TSPEAR: variants seen among roughly 807,000 people sequenced by gnomAD.
TSPEAR encodes the protein thrombospondin-type laminin G domain and EAR repeat-containing protein.
In TSPEAR, 69 loss-of-function variants were observed where a neutral mutation model predicts 71.6. The ratio of observed to expected loss-of-function variants is 0.96; its 90% CI spans 0.79 to 1.18. TSPEAR has a LOEUF of 1.18. Among genes scored for constraint, TSPEAR ranks in the 50% most tolerant of loss-of-function variants. The probability of loss-of-function intolerance (pLI) is 0.00; values close to 1 mark genes in which losing one functional copy is unlikely to be tolerated. For synonymous variants in TSPEAR, 402 were observed against 387.2 expected (o/e 1.04, Z -0.45); for missense variants, 971 against 894.9 (o/e 1.09, Z -1.09).
At chr21:44,629,713 G>A (rs743496) in intron 1 of TSPEAR, among the ~76,000 whole-genome samples, 1 of 152,284 alleles carries the variant, frequency 6.6e-6, no homozygotes, top group African/African-American at 2.4e-5. Context: ...CACGACCCTC[G>A]GGGAAATTCT....
chr21:44,555,123 C>T (rs1419889880), intron 2 of TSPEAR, among the ~76,000 whole-genome samples: 3 of 151,860 alleles, frequency 2.0e-5, no homozygotes, highest in Non-Finnish European at 4.4e-5. Context: ...GAAAAGCAAC[C>T]GAAACAGGCG....
chr21:44,501,355 G>A (rs587603123), intron 11 of TSPEAR, among the ~76,000 whole-genome samples: 2 of 152,252 alleles, frequency 1.3e-5, no homozygotes, highest in East Asian at 1.9e-4. Flanking sequence ...CAGCACTTTG[G>A]GAGGCCGAGG....
In TSPEAR at chr21:44,687,525, G is replaced by A. The variant is rs993652847; in HGVS notation, c.82+23908C>T. Among the ~76,000 whole-genome samples, 1 of 152,172 alleles carries A rather than the reference G, an allele frequency of 6.6e-6. No individual in the cohort carries two copies. Among genetic ancestry groups the A allele is most frequent in the Non-Finnish European group, 1.5e-5 (1 of 68,032 alleles). On this transcript the variant is annotated intron_variant, in intron 1 of 11. Coordinates refer to ENST00000323084, the MANE Select transcript of TSPEAR (RefSeq NM_144991.3). This position sits in a 1 kb window ranked among gnomAD's most constrained non-coding sequence, Gnocchi z 4.4. ...AACACCGCGCGGGGTGGGAGAGGCCGGCACCAGAGGACTTGCTGTATGACT... is the reference window on the plus strand; with the variant it reads ...AACACCGCGCGGGGTGGGAGAGGCCAGCACCAGAGGACTTGCTGTATGACT...
chr21:44,694,739 C>G (rs1344486647), intron 1 of TSPEAR, among the ~76,000 whole-genome samples: 1 of 152,174 alleles, frequency 6.6e-6, no homozygotes, highest in Non-Finnish European at 1.5e-5. Flanking sequence ...TATTGAGTGC[C>G]TATCATGAAA....
chr21:44,700,424 G>A (rs1239017364), intron 1 of TSPEAR, among the ~76,000 whole-genome samples: 9 of 152,244 alleles, frequency 5.9e-5, no homozygotes, highest in Admixed American at 1.3e-4. Context: ...ATGAAGGACG[G>A]GAGAGAGGAG....
intron 1 of TSPEAR, among the ~76,000 whole-genome samples, chr21:44,573,167 G>A (rs1460863146): frequency 6.6e-6 from 1 of 152,098 alleles, no homozygotes; most frequent in Non-Finnish European, 1.5e-5. Context: ...TACAAACCAT[G>A]ACTCACATTA....
intron 1 of TSPEAR, among the ~76,000 whole-genome samples, chr21:44,624,780 CA>C (rs1982661205): frequency 6.6e-6 from 1 of 152,192 alleles, no homozygotes; most frequent in African/African-American, 2.4e-5. Context: ...TGCTCAGCCT[CA>C]GCCTCATGGC....
At position 44,546,366 on chromosome 21, in the gene TSPEAR, G is replaced by C. The variant is rs587699961; in HGVS notation, c.304-12443C>G. Among the ~76,000 whole-genome samples, 41 of 152,230 alleles carry C rather than the reference G, an allele frequency of 2.7e-4. No individual in the cohort carries two copies. The highest frequency in any genetic ancestry group is 9.4e-4 in the African/African-American group (39 of 41,540). ...TGAATCACTTTCTCTTCAGAGTCTC[G>C]CTCTGTTGCCCAGGCTGGAGTGCAG... On this transcript the variant is annotated intron_variant, in intron 2 of 11. Coordinates refer to ENST00000323084, the MANE Select transcript of TSPEAR (RefSeq NM_144991.3). The surrounding 1 kb of genome is among the most constrained non-coding windows in gnomAD (Gnocchi z 4.4).
chr21:44,684,977 A>C (rs1986790608), intron 1 of TSPEAR, among the ~76,000 whole-genome samples: 1 of 152,182 alleles, frequency 6.6e-6, no homozygotes, highest in Admixed American at 6.5e-5. Flanking sequence ...GACAGGGCTG[A>C]ACTTGTGGCC....
At chr21:44,608,499 CA>C (rs1212604811) in intron 1 of TSPEAR, among the ~76,000 whole-genome samples, 1 of 152,232 alleles carries the variant, frequency 6.6e-6, no homozygotes, top group East Asian at 1.9e-4. Flanking sequence ...CGTTCACTGA[CA>C]CACTGCATGT....
intron 1 of TSPEAR, chr21:44,591,290 C>T: frequency 6.7e-7 from 1 of 1,484,410 alleles, no homozygotes; most frequent in South Asian, 1.4e-5. Context: ...CCTGCCCCAT[C>T]TTCTGAGGGT....
At chr21:44,550,485 G>T (rs1228852210) in intron 2 of TSPEAR, 3 of 791,814 alleles carry the variant, frequency 3.8e-6, no homozygotes, top group Non-Finnish European at 6.0e-6. Flanking sequence ...CTGCAGCCAG[G>T]AAGCACCGTG....
chr21:44,499,424 C>A lies in TSPEAR; in HGVS notation c.*359G>T, dbSNP rs112413716. 1 of 241,888 alleles carries A rather than the reference C, an allele frequency of 4.1e-6. No individual in the cohort carries two copies. The highest frequency in any genetic ancestry group is 2.3e-5 in the African/African-American group (1 of 43,216). The allele number at this position is 241,888 out of a possible 1,614,324, so 15.0% of individuals were successfully genotyped here. ...GGACGCACACTGCAGGAGTGGCTGG[C>A]GAGAGGCCAGCCGCAGGGACATGAA... On this transcript the variant is annotated 3_prime_UTR_variant, in exon 12 of 12. Transcript: ENST00000323084.
At chr21:44,510,494 G>A (rs1253634956) in intron 9 of TSPEAR, among the ~76,000 whole-genome samples, 3 of 152,198 alleles carry the variant, frequency 2.0e-5, no homozygotes, top group Non-Finnish European at 4.4e-5. Flanking sequence ...GGTCTGATGC[G>A]ACCTGCCCTC....
intron 1 of TSPEAR, chr21:44,678,080 G>A (rs782819793): frequency 2.5e-5 from 17 of 668,698 alleles, no homozygotes; most frequent in Admixed American, 9.0e-5. Flanking sequence ...TGACAGGCCC[G>A]CAGTATCTGT....
chr21:44,576,621 G>T lies in TSPEAR; in HGVS notation c.83-8616C>A, dbSNP rs189653080. On this transcript the variant is annotated intron_variant, in intron 1 of 11. Transcript: ENST00000323084. ...GAGTTAAAAATAACTCCAGAGAAGG[G>T]GACTCTGTGGAAGAGTCTTCATTAA... Among the ~76,000 whole-genome samples, 4 of 152,248 alleles carry T rather than the reference G, an allele frequency of 2.6e-5. No individual in the cohort carries two copies. In the East Asian group the frequency reaches 7.7e-4, roughly 29 times the overall value.
At chr21:44,562,348 A>G (rs1298268690) in intron 2 of TSPEAR, among the ~76,000 whole-genome samples, 1 of 152,218 alleles carries the variant, frequency 6.6e-6, no homozygotes, top group Non-Finnish European at 1.5e-5. Context: ...AAACAAATGG[A>G]AAAACATTCC....
chr21:44,709,517 G>T (rs1478597911), intron 1 of TSPEAR, among the ~76,000 whole-genome samples: 1 of 152,228 alleles, frequency 6.6e-6, no homozygotes, highest in Non-Finnish European at 1.5e-5. Context: ...ATCAAAGCAG[G>T]TTCCCCTCCT....
rs766870815 is a variant in TSPEAR, at chr21:44,506,223, C to G, written c.1755-1342G>C. Among the ~76,000 whole-genome samples the G allele has an allele frequency of 6.6e-6, 1 of 152,218 alleles. No individual in the cohort carries two copies. Among genetic ancestry groups the G allele is most frequent in the South Asian group, 2.1e-4 (1 of 4,834 alleles). On this transcript the variant is annotated intron_variant, in intron 10 of 11. Coordinates refer to ENST00000323084, the MANE Select transcript of TSPEAR (RefSeq NM_144991.3). This position sits in a 1 kb window ranked among gnomAD's most constrained non-coding sequence, Gnocchi z 4.2. ...GATGCATCTGTGCTTGGGGATGGCTCGGTTTGAGGGGTCTGAGGAGCGGCT... is the reference window on the plus strand; with the variant it reads ...GATGCATCTGTGCTTGGGGATGGCTGGGTTTGAGGGGTCTGAGGAGCGGCT...
Sources: gnomAD v4.1 joint callset for allele counts (sites outside exome capture counted in the v4.1 genomes callset) on GRCh38, gnomAD v4.1.1 for gene constraint, Gnocchi (gnomAD v3.1) non-coding constraint, MANE v1.5 for transcripts, NCBI Gene and HGNC (gene_info 2026-07-23, HGNC 2026-07-21) for gene names.